Variants in WFDC9 observed in about 807,000 individuals in gnomAD.
WFDC9 encodes protein WFDC9.
A neutral mutation model predicts 9.5 loss-of-function variants in WFDC9; 9 were observed. The ratio of observed to expected loss-of-function variants is 0.95; its 90% CI spans 0.57 to 1.65. The LOEUF is 1.65. WFDC9 is among the 40% of genes most tolerant of loss of function. The pLI is 0.00. For synonymous variants in WFDC9, 33 were observed against 32.3 expected, an observed-to-expected ratio of 1.02 and a Z score of -0.07; for missense variants, 87 against 106.7, an observed-to-expected ratio of 0.82 and a Z score of 0.81.
chr20:45,613,032 A>C (rs185950523), intron 2 of WFDC9, among the ~76,000 whole-genome samples: 30 of 152,360 alleles, frequency 2.0e-4, no homozygotes, highest in Middle Eastern at 3.4e-3. Flanking sequence ...GAAGCAAAAG[A>C]GATTTCTTTG....
chr20:45,624,958 G>A (rs1982184393), intron 1 of WFDC9, among the ~76,000 whole-genome samples: 1 of 152,182 alleles, frequency 6.6e-6, no homozygotes, highest in African/African-American at 2.4e-5. Flanking sequence ...CTGTTGAGAT[G>A]TTTGAGTTTC....
At chr20:45,630,201 G>T (rs1485654875) in intron 1 of WFDC9, among the ~76,000 whole-genome samples, 1 of 151,760 alleles carries the variant, frequency 6.6e-6, no homozygotes, top group Non-Finnish European at 1.5e-5. Flanking sequence ...ATCCAGTGGG[G>T]AAAGCAAGAC....
At chr20:45,613,210 G>A (rs374610039) in intron 2 of WFDC9, among the ~76,000 whole-genome samples, 4 of 152,286 alleles carry the variant, frequency 2.6e-5, no homozygotes, top group Middle Eastern at 3.4e-3. Flanking sequence ...TACATAGGAC[G>A]ATGGGAATAG....
At chr20:45,630,023 A>C (rs1982319161) in intron 1 of WFDC9, 1 of 1,392,270 alleles carries the variant, frequency 7.2e-7, no homozygotes, top group African/African-American at 1.4e-5. Context: ...CTCTGACCAC[A>C]ATGTTGTGTA....
chr20:45,627,973 T>C (rs986814695), intron 1 of WFDC9, among the ~76,000 whole-genome samples: 3 of 152,218 alleles, frequency 2.0e-5, no homozygotes, highest in Non-Finnish European at 4.4e-5. Context: ...CTGTATATTT[T>C]AATTAAGTCA....
chr20:45,617,935 G>GA (rs3091705), intron 1 of WFDC9, among the ~76,000 whole-genome samples: 102,175 of 152,116 alleles, frequency 0.67, 35,274 homozygotes, highest in East Asian at 1. Context: ...TCATAAGGAA[G>GA]AAAAACATAT....
chr20:45,623,490 G>A (rs887695567), intron 1 of WFDC9, among the ~76,000 whole-genome samples: 1 of 151,930 alleles, frequency 6.6e-6, no homozygotes, highest in Non-Finnish European at 1.5e-5. Context: ...AGCCAGGTGT[G>A]GTGGCGGGCA....
intron 2 of WFDC9, among the ~76,000 whole-genome samples, chr20:45,613,089 C>T (rs549156706): frequency 1.3e-5 from 2 of 152,314 alleles, no homozygotes; most frequent in South Asian, 4.1e-4. Context: ...TGTTCAAACT[C>T]ATTAAATTAA....
chr20:45,627,601 A>G (rs2145603187), intron 1 of WFDC9, among the ~76,000 whole-genome samples: 1 of 152,290 alleles, frequency 6.6e-6, no homozygotes, highest in African/African-American at 2.4e-5. Flanking sequence ...TGAATTATAA[A>G]GGATATCACA....
intron 1 of WFDC9, among the ~76,000 whole-genome samples, chr20:45,622,078 G>A (rs1982114831): frequency 6.7e-6 from 1 of 148,498 alleles, no homozygotes; most frequent in Non-Finnish European, 1.5e-5. Context: ...TCTTTGTGTG[G>A]TAAGCATTCT....
chr20:45,616,887 G>A (rs1482452502), intron 1 of WFDC9, among the ~76,000 whole-genome samples: 2 of 152,100 alleles, frequency 1.3e-5, no homozygotes, highest in African/African-American at 4.8e-5. Context: ...GTTTGTAAGG[G>A]CTCTAAGATT....
chr20:45,610,363 G>A, intron 2 of WFDC9, 124 bp from the exon 3 acceptor site: 1 of 477,548 alleles, frequency 2.1e-6, no homozygotes, highest in Non-Finnish European at 3.7e-6. Flanking sequence ...TCCCAGGCTA[G>A]CCAGTGACTT....
At chr20:45,617,880 A>G (rs1418624439) in intron 1 of WFDC9, among the ~76,000 whole-genome samples, 1 of 152,172 alleles carries the variant, frequency 6.6e-6, no homozygotes. Context: ...TGTACCATTT[A>G]CTCTTACCAG....
At chr20:45,620,408 A>C (rs1268571479) in intron 1 of WFDC9, among the ~76,000 whole-genome samples, 3 of 152,132 alleles carry the variant, frequency 2.0e-5, no homozygotes, top group Non-Finnish European at 4.4e-5. Context: ...CCTGGCCAAC[A>C]TGGAGAAACC....
chr20:45,629,770 G>C, intron 1 of WFDC9: 1 of 1,599,012 alleles, frequency 6.3e-7, no homozygotes, highest in East Asian at 2.3e-5. Context: ...AGGGAAGTCT[G>C]TGACAACCTG....
intron 3 of WFDC9, 53 bp from the exon 4 acceptor site, chr20:45,608,863 C>T (rs1199804200): frequency 1.9e-6 from 3 of 1,541,418 alleles, no homozygotes; most frequent in Non-Finnish European, 2.6e-6. Flanking sequence ...AGACAAGAAA[C>T]CTTTTCTAAG....
chr20:45,625,272 C>T (rs368691479), intron 1 of WFDC9, among the ~76,000 whole-genome samples: 1 of 152,160 alleles, frequency 6.6e-6, no homozygotes, highest in East Asian at 1.9e-4. Context: ...GGGGAAACTG[C>T]CCTTACGATC....
In WFDC9 at chr20:45,616,531, A is replaced by G. The variant is rs1356599330; in HGVS notation, c.-152-1810T>C. Reference sequence around the variant, plus strand: ...TTGACCTCCTTCCATGAATCATGGTATGTAGAATAGTGAATCCTTTCCAGG... The same window carrying G: ...TTGACCTCCTTCCATGAATCATGGTGTGTAGAATAGTGAATCCTTTCCAGG... On this transcript the variant is annotated intron_variant, in intron 1 of 4. Transcript: ENST00000326000. Among the ~76,000 whole-genome samples the G allele has an allele frequency of 3.3e-5, 5 of 152,162 alleles. No individual in the cohort carries two copies. The South Asian group carries it at 8.3e-4, about 25-fold the overall frequency.
chr20:45,621,741 C>T (rs1487497890), intron 1 of WFDC9, among the ~76,000 whole-genome samples: 3 of 152,166 alleles, frequency 2.0e-5, no homozygotes, highest in South Asian at 2.1e-4. Context: ...CACAACTGAT[C>T]GATGGGGGAA....
Sources: allele counts gnomAD v4.1 joint callset (sites outside exome capture counted in the v4.1 genomes callset), GRCh38; gene constraint gnomAD v4.1.1; transcripts MANE v1.5; gene names NCBI Gene and HGNC (gene_info 2026-07-23, HGNC 2026-07-21).